Variants in KHDRBS2 observed in about 807,000 individuals in gnomAD.
KHDRBS2 encodes the protein KH RNA binding domain containing, signal transduction associated 2, also known as KH domain-containing, RNA-binding, signal transduction-associated protein 2.
In KHDRBS2, 26 loss-of-function variants were observed where a neutral mutation model predicts 44.3. The observed-to-expected ratio is 0.59, with a 90% CI of 0.43 to 0.81. The LOEUF is 0.81. KHDRBS2 is among the 40% of genes least tolerant of loss of function. The pLI is 0.00. For missense variants in KHDRBS2, 476 were observed against 433.1 expected (o/e 1.10, Z -0.88); for synonymous variants, 194 against 151.1 (o/e 1.28, Z -2.08).
chr6:61,567,165 G>A, the KHDRBS2 span, among the ~76,000 whole-genome samples: 1 of 152,178 alleles, frequency 6.6e-6, no homozygotes, highest in East Asian at 1.9e-4. Flanking sequence ...CAAAAGGATG[G>A]ATCCCATGTT....
chr6:62,192,055 G>A (rs796653620), intron 1 of KHDRBS2, among the ~76,000 whole-genome samples: 33 of 152,104 alleles, frequency 2.2e-4, no homozygotes, highest in African/African-American at 7.5e-4. Context: ...CTGTCTGAAA[G>A]TTTTGGATTG....
chr6:61,605,967 A>G, the KHDRBS2 span, among the ~76,000 whole-genome samples: 15 of 152,084 alleles, frequency 9.9e-5, no homozygotes, highest in African/African-American at 3.1e-4. Flanking sequence ...CCACCACAAA[A>G]GAAGTGAAAA....
At chr6:61,703,662 C>T (rs191185426) in intron 7 of KHDRBS2, among the ~76,000 whole-genome samples, 2 of 151,940 alleles carry the variant, frequency 1.3e-5, no homozygotes, top group African/African-American at 2.4e-5. Flanking sequence ...CTTCCTAAAG[C>T]TCCAAGAAAG....
At chr6:61,594,890 C>T in the KHDRBS2 span, among the ~76,000 whole-genome samples, 1 of 151,992 alleles carries the variant, frequency 6.6e-6, no homozygotes, top group Admixed American at 6.6e-5. Context: ...AATAGGATCA[C>T]AAATCACTGT....
chr6:61,757,612 G>T (rs1246706812), intron 6 of KHDRBS2, among the ~76,000 whole-genome samples: 2 of 151,948 alleles, frequency 1.3e-5, no homozygotes. Flanking sequence ...CTATCATCTC[G>T]CTATTTGTTC....
At chr6:62,087,856 C>A (rs534354556) in intron 2 of KHDRBS2, among the ~76,000 whole-genome samples, 3 of 152,292 alleles carry the variant, frequency 2.0e-5, no homozygotes, top group Non-Finnish European at 4.4e-5. Flanking sequence ...AGTTTTTTCA[C>A]GTAGTCCCAT....
the KHDRBS2 span, among the ~76,000 whole-genome samples, chr6:61,602,203 G>A: frequency 6.6e-6 from 1 of 152,178 alleles, no homozygotes; most frequent in Admixed American, 6.5e-5. Context: ...CCTTCAAGAT[G>A]TACAGTAATA....
intron 2 of KHDRBS2, among the ~76,000 whole-genome samples, chr6:62,169,164 C>CGTATACGTAT (rs1819420877): frequency 5.5e-5 from 4 of 73,330 alleles, no homozygotes; most frequent in East Asian, 3.7e-4. Context: ...TATACGTACA[C>CGTATACGTAT]ATATATGTAT....
intron 2 of KHDRBS2, among the ~76,000 whole-genome samples, chr6:62,130,390 T>A (rs1319155410): frequency 6.6e-6 from 1 of 152,200 alleles, no homozygotes; most frequent in Admixed American, 6.5e-5. Context: ...TGAACTAAAG[T>A]ATACAATCTT....
At chr6:61,554,091 T>C in the KHDRBS2 span, among the ~76,000 whole-genome samples, 5 of 152,150 alleles carry the variant, frequency 3.3e-5, no homozygotes, top group Non-Finnish European at 7.4e-5. Context: ...CTTATATTGC[T>C]ATTGGGGTGT....
intron 3 of KHDRBS2, among the ~76,000 whole-genome samples, chr6:61,989,609 C>T (rs1338793122): frequency 6.6e-6 from 1 of 152,100 alleles, no homozygotes; most frequent in Admixed American, 6.5e-5. Context: ...TAGTAGATTG[C>T]CTGTGATGTG....
chr6:61,605,955 T>G, the KHDRBS2 span, among the ~76,000 whole-genome samples: 15 of 152,210 alleles, frequency 9.9e-5, no homozygotes, highest in African/African-American at 1.4e-4. Flanking sequence ...ACTGATGACA[T>G]TCCACCACAA....
chr6:62,099,127 T>A (rs990214467), intron 2 of KHDRBS2, among the ~76,000 whole-genome samples: 1 of 152,198 alleles, frequency 6.6e-6, no homozygotes, highest in Non-Finnish European at 1.5e-5. Context: ...TCTTCATTAC[T>A]TTAGGGTCAG....
chr6:62,019,204 TTAG>T (rs1781803688), intron 3 of KHDRBS2, among the ~76,000 whole-genome samples: 2 of 152,024 alleles, frequency 1.3e-5, no homozygotes, highest in Non-Finnish European at 1.5e-5. Flanking sequence ...AAAATTCGTA[TTAG>T]TAGTATTAGT....
chr6:61,885,005 G>T (rs558037430), intron 6 of KHDRBS2, among the ~76,000 whole-genome samples: 8 of 152,170 alleles, frequency 5.3e-5, no homozygotes, highest in East Asian at 3.9e-4. Flanking sequence ...GCAGGAAAGT[G>T]AATATTTATT....
intron 2 of KHDRBS2, among the ~76,000 whole-genome samples, chr6:62,057,981 T>C (rs1790683621): frequency 6.6e-6 from 1 of 151,962 alleles, no homozygotes; most frequent in South Asian, 2.1e-4. Flanking sequence ...CCAACAACAG[T>C]TTAAAATTAA....
chr6:62,154,508 A>G (rs1241034291), intron 2 of KHDRBS2, among the ~76,000 whole-genome samples: 1 of 152,140 alleles, frequency 6.6e-6, no homozygotes, highest in Non-Finnish European at 1.5e-5. Context: ...GAAAAAAAGT[A>G]GGGTTCTGAT....
the KHDRBS2 span, among the ~76,000 whole-genome samples, chr6:61,570,960 T>C: frequency 0.59 from 89,707 of 151,594 alleles, 26,712 homozygotes; most frequent in African/African-American, 0.61. Flanking sequence ...CAAAATAGAA[T>C]CTTCTTAAAG....
chr6:62,201,489 T>C (rs1350232178), intron 1 of KHDRBS2, among the ~76,000 whole-genome samples: 2 of 152,072 alleles, frequency 1.3e-5, no homozygotes, highest in African/African-American at 4.8e-5. Flanking sequence ...AGCATATAAA[T>C]AGGAGACAAT....
Sources: gnomAD v4.1 joint callset for allele counts (sites outside exome capture counted in the v4.1 genomes callset) on GRCh38, gnomAD v4.1.1 for gene constraint, MANE v1.5 for transcripts, NCBI Gene and HGNC (gene_info 2026-07-23, HGNC 2026-07-21) for gene names.